Variants in ROBO2 observed in about 807,000 individuals in gnomAD.
The protein encoded by ROBO2 is roundabout guidance receptor 2.
In ROBO2, 53 loss-of-function variants were observed where a neutral mutation model predicts 160.8. The ratio of observed to expected loss-of-function variants is 0.33; its 90% CI spans 0.26 to 0.41. The LOEUF is 0.41. Among genes scored for constraint, ROBO2 ranks in the 10% least tolerant of loss-of-function variants. ROBO2 has a pLI of 1.00. For missense variants in ROBO2, 1,577 were observed against 1,722.4 expected (o/e 0.92, Z 1.49); for synonymous variants, 664 against 611.7 (o/e 1.09, Z -1.26).
At chr3:76,780,477 G>T (rs554377345) in intron 2 of ROBO2, among the ~76,000 whole-genome samples, 40 of 150,752 alleles carry the variant, frequency 2.7e-4, no homozygotes, top group Admixed American at 8.6e-4. Flanking sequence ...CTAAGCTTTT[G>T]GTGTCAGAAC....
intron 2 of ROBO2, among the ~76,000 whole-genome samples, chr3:77,027,958 C>A (rs1398208873): frequency 6.6e-6 from 1 of 152,102 alleles, no homozygotes; most frequent in Non-Finnish European, 1.5e-5. Context: ...AGCCCAACGA[C>A]TATTAAATCA....
At chr3:76,305,674 G>T (rs910275116) in intron 2 of ROBO2, among the ~76,000 whole-genome samples, 1 of 151,680 alleles carries the variant, frequency 6.6e-6, no homozygotes, top group Non-Finnish European at 1.5e-5. Context: ...CAGGAGAATT[G>T]CTTGAACCCA....
intron 2 of ROBO2, among the ~76,000 whole-genome samples, chr3:76,475,424 T>C (rs1177600623): frequency 6.6e-6 from 1 of 152,150 alleles, no homozygotes; most frequent in African/African-American, 2.4e-5. Context: ...TGTTGGATTT[T>C]ATTCTGAGCG....
chr3:77,243,122 G>T (rs1239329072), intron 2 of ROBO2, among the ~76,000 whole-genome samples: 1 of 151,906 alleles, frequency 6.6e-6, no homozygotes, highest in Non-Finnish European at 1.5e-5. Context: ...AGGAATTTTA[G>T]TTATAGCAAA....
chr3:76,441,900 A>G (rs556310398), intron 2 of ROBO2, among the ~76,000 whole-genome samples: 2 of 152,324 alleles, frequency 1.3e-5, no homozygotes, highest in South Asian at 2.1e-4. Flanking sequence ...TTGTATTGGT[A>G]TCTGCCTTTA....
At chr3:76,306,951 A>G (rs915205894) in intron 2 of ROBO2, among the ~76,000 whole-genome samples, 1 of 152,168 alleles carries the variant, frequency 6.6e-6, no homozygotes, top group Non-Finnish European at 1.5e-5. Context: ...CCATTTTTTT[A>G]AACTCATTTT....
At chr3:76,657,648 ATATATATTCATATATATGTG>A (rs1560319091) in intron 2 of ROBO2, among the ~76,000 whole-genome samples, 1,530 of 141,618 alleles carry the variant, frequency 0.011, 32 homozygotes, top group African/African-American at 0.039. Flanking sequence ...ATATATGTGT[ATATATATTCATATATATGTG>A]TATATATATA....
At chr3:76,413,964 C>T (rs2075624776) in intron 2 of ROBO2, among the ~76,000 whole-genome samples, 1 of 152,288 alleles carries the variant, frequency 6.6e-6, no homozygotes, top group South Asian at 2.1e-4. Context: ...ACTTACAGTT[C>T]CACATGGCTG....
chr3:76,881,955 T>G (rs529115807), intron 2 of ROBO2, among the ~76,000 whole-genome samples: 2 of 152,004 alleles, frequency 1.3e-5, no homozygotes, highest in Admixed American at 1.3e-4. Flanking sequence ...TGTGTATGTG[T>G]GTCTGTTGGG....
chr3:77,001,004 G>A (rs1457059139), intron 2 of ROBO2, among the ~76,000 whole-genome samples: 1 of 152,060 alleles, frequency 6.6e-6, no homozygotes, highest in East Asian at 1.9e-4. Context: ...CCACGGTGAC[G>A]TTTTTCAAGT....
chr3:76,428,224 T>G (rs1329206402), intron 2 of ROBO2, among the ~76,000 whole-genome samples: 1 of 152,134 alleles, frequency 6.6e-6, no homozygotes, highest in Non-Finnish European at 1.5e-5. Flanking sequence ...GCTCCAGACA[T>G]TCACACTGAA....
chr3:77,010,653 G>C (rs1559840104), intron 2 of ROBO2, among the ~76,000 whole-genome samples: 1 of 152,076 alleles, frequency 6.6e-6, no homozygotes, highest in Non-Finnish European at 1.5e-5. Flanking sequence ...CCTTTCTTCA[G>C]ATGGTTCCAT....
At chr3:76,979,709 T>C (rs1479278962) in intron 2 of ROBO2, among the ~76,000 whole-genome samples, 1 of 151,498 alleles carries the variant, frequency 6.6e-6, no homozygotes, top group Non-Finnish European at 1.5e-5. Context: ...GTTAATTTTG[T>C]GCAGAGAAAA....
intron 6 of ROBO2, among the ~76,000 whole-genome samples, chr3:77,524,753 A>G (rs1271245566): frequency 6.6e-6 from 1 of 151,286 alleles, no homozygotes; most frequent in Non-Finnish European, 1.5e-5. Context: ...AAGCTAACTT[A>G]CAAAACTAAT....
At chr3:77,508,356 T>C (rs2088877625) in intron 5 of ROBO2, among the ~76,000 whole-genome samples, 1 of 147,936 alleles carries the variant, frequency 6.8e-6, no homozygotes, top group African/African-American at 2.5e-5. Flanking sequence ...ATAAAACATA[T>C]ATTATTATAA....
rs567642015 is a variant in ROBO2, at chr3:77,560,560, G to A, written c.1438-2091G>A. ...CACTCATACAGTCAAGAGAGTTTCT[G>A]TAGGCTGTATTCCTTTGTGTCTCAC... On this transcript the variant is annotated intron_variant, in intron 9 of 25. Coordinates refer to ENST00000461745, the Ensembl canonical transcript of ROBO2. 5.9e-5 allele frequency among the ~76,000 whole-genome samples: 9 copies of A among 152,132 alleles called. No individual in the cohort carries two copies. The South Asian group carries it at 1.7e-3, about 28-fold the overall frequency.
chr3:75,927,415 A>G (rs1436633746), intron 1 of ROBO2, among the ~76,000 whole-genome samples: 3 of 152,210 alleles, frequency 2.0e-5, no homozygotes, highest in Admixed American at 6.5e-5. Flanking sequence ...GGAACCTTCA[A>G]TGTACCACTT....
At chr3:76,163,572 G>C (rs2072719657) in intron 2 of ROBO2, among the ~76,000 whole-genome samples, 1 of 149,744 alleles carries the variant, frequency 6.7e-6, no homozygotes, top group African/African-American at 2.4e-5. Context: ...CATATATATA[G>C]GCATTCATCA....
chr3:77,429,928 C>T (rs774572707), intron 2 of ROBO2, among the ~76,000 whole-genome samples: 2 of 152,122 alleles, frequency 1.3e-5, no homozygotes, highest in African/African-American at 4.8e-5. Context: ...ATGGTAGAGC[C>T]TAAGAGTGGG....
Sources: gnomAD v4.1 joint callset for allele counts (sites outside exome capture counted in the v4.1 genomes callset) on GRCh38, gnomAD v4.1.1 for gene constraint, MANE v1.5 for transcripts, NCBI Gene and HGNC (gene_info 2026-07-23, HGNC 2026-07-21) for gene names.